DPP6: variants seen among roughly 807,000 people sequenced by gnomAD.
The protein encoded by DPP6 is A-type potassium channel modulatory protein DPP6.
Under a neutral mutation model 122.6 loss-of-function variants are expected in DPP6, and 69 were observed. That is an observed-to-expected ratio of 0.56 (90% CI 0.46 to 0.69). DPP6 has a LOEUF of 0.69. Among genes scored for constraint, DPP6 ranks in the 30% least tolerant of loss-of-function variants. The pLI is 0.00. For synonymous variants in DPP6, 418 were observed against 433.1 expected (o/e 0.97, Z 0.43); for missense variants, 928 against 1,116.9 (o/e 0.83, Z 2.41).
chr7:154,397,934 T>C (rs1815230917), intron 1 of DPP6, among the ~76,000 whole-genome samples: 1 of 152,220 alleles, frequency 6.6e-6, no homozygotes, highest in Non-Finnish European at 1.5e-5. Context: ...TTTCAGTCAA[T>C]CTTTTAAATA....
intron 4 of DPP6, among the ~76,000 whole-genome samples, chr7:154,540,892 A>G (rs1159593202): frequency 1.3e-5 from 2 of 152,200 alleles, no homozygotes; most frequent in Non-Finnish European, 2.9e-5. Flanking sequence ...TTAAAAGATA[A>G]AGTCCTAAGG....
intron 16 of DPP6, among the ~76,000 whole-genome samples, chr7:154,836,003 G>A (rs202029032): frequency 6.6e-6 from 1 of 152,178 alleles, no homozygotes; most frequent in East Asian, 1.9e-4. Flanking sequence ...CCAGCAGTGG[G>A]CCCTGTAATG....
intron 5 of DPP6, among the ~76,000 whole-genome samples, chr7:154,634,694 CCTT>C (rs1473588849): frequency 6.6e-6 from 1 of 151,650 alleles, no homozygotes; most frequent in Non-Finnish European, 1.5e-5. Flanking sequence ...TCCTTCGTCT[CCTT>C]CTTCTCCTTC....
At chr7:154,617,889 C>T (rs549274318) in intron 5 of DPP6, among the ~76,000 whole-genome samples, 1 of 152,048 alleles carries the variant, frequency 6.6e-6, no homozygotes, top group African/African-American at 2.4e-5. Context: ...CGGGAGGCGT[C>T]GTGCTTTTTT....
intron 3 of DPP6, among the ~76,000 whole-genome samples, chr7:154,487,607 G>A (rs1823909445): frequency 6.6e-6 from 1 of 152,178 alleles, no homozygotes; most frequent in Non-Finnish European, 1.5e-5. Context: ...GTAGCTGTTT[G>A]GCCCAAGGGT....
At chr7:154,317,038 G>A (rs1807491855) in intron 1 of DPP6, among the ~76,000 whole-genome samples, 2 of 152,282 alleles carry the variant, frequency 1.3e-5, no homozygotes, top group Non-Finnish European at 2.9e-5. Flanking sequence ...AGAAGCAGAA[G>A]CATGATTATA....
chr7:154,766,394 C>T (rs903062875), intron 8 of DPP6, among the ~76,000 whole-genome samples: 1 of 152,078 alleles, frequency 6.6e-6, no homozygotes, highest in African/African-American at 2.4e-5. Context: ...CTCGGCTCAC[C>T]GCAACCTCCC....
intron 7 of DPP6, among the ~76,000 whole-genome samples, chr7:154,681,489 G>C (rs1337854265): frequency 6.6e-6 from 1 of 152,178 alleles, no homozygotes; most frequent in Non-Finnish European, 1.5e-5. Context: ...TTGGATGATG[G>C]GGCGTGGAGC....
intron 1 of DPP6, among the ~76,000 whole-genome samples, chr7:154,421,567 G>C (rs1024611717): frequency 2.0e-5 from 3 of 152,074 alleles, no homozygotes; most frequent in Non-Finnish European, 4.4e-5. Context: ...CAGGTGATCT[G>C]CCCACCTCGG....
the DPP6 span, among the ~76,000 whole-genome samples, chr7:153,802,579 T>G: frequency 1.3e-5 from 2 of 152,070 alleles, no homozygotes; most frequent in African/African-American, 4.8e-5. Context: ...CAGCACAAGT[T>G]ATTACACTCC....
chr7:154,326,847 T>C (rs1353311571), intron 1 of DPP6, among the ~76,000 whole-genome samples: 1 of 152,156 alleles, frequency 6.6e-6, no homozygotes, highest in Non-Finnish European at 1.5e-5. Flanking sequence ...TGTTCAATGA[T>C]TGGAACATTT....
chr7:154,466,247 C>T (rs893650344), intron 2 of DPP6, among the ~76,000 whole-genome samples: 2 of 152,128 alleles, frequency 1.3e-5, no homozygotes, highest in Non-Finnish European at 2.9e-5. Context: ...GGAGAAATAT[C>T]TAATGTAGAT....
intron 1 of DPP6, chr7:154,305,406 C>A: frequency 1.7e-6 from 2 of 1,169,028 alleles, no homozygotes; most frequent in South Asian, 3.4e-5. Flanking sequence ...AAATCACACT[C>A]CTCCTTACCT....
At chr7:154,789,974 G>A (rs569255426) in intron 10 of DPP6, among the ~76,000 whole-genome samples, 4 of 152,336 alleles carry the variant, frequency 2.6e-5, no homozygotes, top group African/African-American at 7.2e-5. Flanking sequence ...AAGGCAGGTG[G>A]ATCACTTGAG....
intron 1 of DPP6, among the ~76,000 whole-genome samples, chr7:154,022,429 A>G (rs1008280929): frequency 6.6e-6 from 1 of 152,232 alleles, no homozygotes; most frequent in African/African-American, 2.4e-5. Flanking sequence ...TAGAAAAAAA[A>G]GGGGAAGAAA....
chr7:153,844,139 G>C, the DPP6 span, among the ~76,000 whole-genome samples: 1 of 152,154 alleles, frequency 6.6e-6, no homozygotes, highest in Non-Finnish European at 1.5e-5. Flanking sequence ...CACATCACCC[G>C]CTGTTGGCTC....
intron 1 of DPP6, among the ~76,000 whole-genome samples, chr7:154,385,574 T>C (rs1814032822): frequency 6.6e-6 from 1 of 152,314 alleles, no homozygotes; most frequent in African/African-American, 2.4e-5. Context: ...TGTGATCATA[T>C]GAGATGCTAA....
At chr7:154,580,150 TACAC>T (rs35398601) in intron 5 of DPP6, among the ~76,000 whole-genome samples, 42 of 138,968 alleles carry the variant, frequency 3.0e-4, no homozygotes, top group East Asian at 1.5e-3. Flanking sequence ...CTCTCCCCCT[TACAC>T]ACACACACAC....
At chr7:154,066,551 A>G (rs1290991735) in intron 1 of DPP6, among the ~76,000 whole-genome samples, 1 of 152,158 alleles carries the variant, frequency 6.6e-6, no homozygotes, top group East Asian at 1.9e-4. Context: ...TGAGTGAGGC[A>G]GCTTAAGTGG....
Sources: allele counts gnomAD v4.1 joint callset (sites outside exome capture counted in the v4.1 genomes callset), GRCh38; gene constraint gnomAD v4.1.1; transcripts MANE v1.5; gene names NCBI Gene and HGNC (gene_info 2026-07-23, HGNC 2026-07-21).